THADA: variants seen among roughly 807,000 people sequenced by gnomAD.
THADA encodes tRNA (32-2'-O)-methyltransferase regulator THADA.
THADA carries 213 observed loss-of-function variants against 219.8 expected under a neutral mutation model. The observed-to-expected ratio is 0.97, with a 90% CI of 0.87 to 1.09. The LOEUF (loss-of-function observed/expected upper bound fraction) is 1.09, where lower values mean the gene tolerates loss of function less well. THADA is among the 50% of genes least tolerant of loss of function. THADA has a pLI of 0.00. For missense variants in THADA, 2,956 were observed against 2,311.3 expected (o/e 1.28, Z -5.72); for synonymous variants, 1,018 against 828.9 (o/e 1.23, Z -3.92).
At chr2:43,279,184 C>A (rs773139503) in intron 36 of THADA, among the ~76,000 whole-genome samples, 1 of 152,172 alleles carries the variant, frequency 6.6e-6, no homozygotes, top group Non-Finnish European at 1.5e-5. Flanking sequence ...GGGCTGTAAC[C>A]GCTTATACGA....
intron 28 of THADA, among the ~76,000 whole-genome samples, chr2:43,417,670 A>G (rs1677166176): frequency 6.6e-6 from 1 of 152,244 alleles, no homozygotes; most frequent in African/African-American, 2.4e-5. Flanking sequence ...CTACCCTGTC[A>G]TACTTCACAG....
chr2:43,445,416 T>TC (rs998367303), intron 26 of THADA, among the ~76,000 whole-genome samples: 2 of 152,182 alleles, frequency 1.3e-5, no homozygotes, highest in African/African-American at 4.8e-5. Flanking sequence ...CTAGCTTTTC[T>TC]CCCTAGAGTA....
At chr2:43,568,891 T>G (rs1279720394) in intron 14 of THADA, among the ~76,000 whole-genome samples, 2 of 152,070 alleles carry the variant, frequency 1.3e-5, no homozygotes, top group Non-Finnish European at 2.9e-5. Context: ...AAGAATTAAT[T>G]AATTAAAAAA....
At position 43,434,040 on chromosome 2, in the gene THADA, G is replaced by C. The variant is rs1158575771; in HGVS notation, c.3837-3738C>G. Among the ~76,000 whole-genome samples, 4 of 152,166 alleles carry C rather than the reference G, an allele frequency of 2.6e-5. No individual in the cohort carries two copies. In the East Asian group the frequency reaches 7.7e-4, roughly 29 times the overall value. On this transcript the variant is annotated intron_variant, in intron 26 of 37. Transcript: ENST00000405975. Reference sequence around the variant, plus strand: ...TAGACACATCAAGGGCCAAGAGTAAGAGTAGCAAAGATAATCTTAAAGAAG... The same window carrying C: ...TAGACACATCAAGGGCCAAGAGTAACAGTAGCAAAGATAATCTTAAAGAAG...
chr2:43,536,966 G>A (rs555710587), intron 21 of THADA, among the ~76,000 whole-genome samples: 1 of 152,144 alleles, frequency 6.6e-6, no homozygotes, highest in Non-Finnish European at 1.5e-5. Flanking sequence ...ATAAAGTAGT[G>A]AGCCTTAATC....
chr2:43,303,529 C>T, intron 31 of THADA, among the ~76,000 whole-genome samples: 1 of 151,658 alleles, frequency 6.6e-6, no homozygotes, highest in Non-Finnish European at 1.5e-5. Context: ...GGGCCATTCA[C>T]CTTTGCTCTT....
chr2:43,294,236 C>A (rs1311815845), intron 31 of THADA, among the ~76,000 whole-genome samples: 1 of 152,166 alleles, frequency 6.6e-6, no homozygotes, highest in Non-Finnish European at 1.5e-5. Context: ...AAACTTATTG[C>A]CTGCTTACTA....
At position 43,399,566 on chromosome 2, in the gene THADA, TA is replaced by T. The variant is rs149027137; in HGVS notation, c.4059-1428del. On this transcript the variant is annotated intron_variant, in intron 28 of 37. Transcript: ENST00000405975. Reference sequence around the variant, plus strand: ...AGAGGAAAAAGAAGTATGGGGTGTTTAAAAAAAATGTGTCTTTTTCCCCCAA... The same window carrying T: ...AGAGGAAAAAGAAGTATGGGGTGTTTAAAAAAATGTGTCTTTTTCCCCCAA... Among the ~76,000 whole-genome samples the T allele has an allele frequency of 3.8e-3, 585 of 152,076 alleles. 2 individuals are homozygous for T. The highest frequency in any genetic ancestry group is 0.013 in the African/African-American group (555 of 41,502).
At chr2:43,464,299 C>T (rs1683977462) in intron 26 of THADA, among the ~76,000 whole-genome samples, 1 of 151,714 alleles carries the variant, frequency 6.6e-6, no homozygotes, top group Non-Finnish European at 1.5e-5. Context: ...TACTCTTACT[C>T]ATCTATAAAA....
intron 30 of THADA, among the ~76,000 whole-genome samples, chr2:43,334,769 C>T (rs1313622011): frequency 2.0e-5 from 3 of 151,082 alleles, no homozygotes; most frequent in African/African-American, 7.3e-5. Context: ...AGCGAGACTC[C>T]GTCTCAAAAC....
chr2:43,295,050 G>C (rs113300554), intron 31 of THADA, among the ~76,000 whole-genome samples: 1 of 152,162 alleles, frequency 6.6e-6, no homozygotes. Context: ...CTTGAGCCCA[G>C]GAGTTTGAGA....
chr2:43,390,537 CCTCCT>C (rs1673240328), intron 29 of THADA, among the ~76,000 whole-genome samples: 1 of 152,124 alleles, frequency 6.6e-6, no homozygotes, highest in Non-Finnish European at 1.5e-5. Context: ...TGCCAACTGC[CCTCCT>C]CTCCTATCTA....
chr2:43,379,057 T>C (rs1671707589), intron 29 of THADA, among the ~76,000 whole-genome samples: 1 of 152,128 alleles, frequency 6.6e-6, no homozygotes, highest in East Asian at 1.9e-4. Context: ...TGGTTAAATA[T>C]GTTAGCAAGC....
chr2:43,274,260 C>T (rs943305048), intron 36 of THADA, among the ~76,000 whole-genome samples: 7 of 152,174 alleles, frequency 4.6e-5, no homozygotes, highest in Non-Finnish European at 8.8e-5. Flanking sequence ...CTACCAGACC[C>T]GGACAGTGTG....
chr2:43,529,223 G>A (rs1693566459), intron 21 of THADA, among the ~76,000 whole-genome samples: 1 of 151,860 alleles, frequency 6.6e-6, no homozygotes, highest in African/African-American at 2.4e-5. Flanking sequence ...CACAATCATA[G>A]CTCACTGTAA....
chr2:43,493,823 GCTGAGCCACCACCAT>G (rs1687947602), intron 25 of THADA, among the ~76,000 whole-genome samples: 1 of 151,954 alleles, frequency 6.6e-6, no homozygotes, highest in Admixed American at 6.6e-5. Flanking sequence ...CCCCATCTTT[GCTGAGCCACCACCAT>G]CTTTTGGTAG....
rs77176871 is a variant in THADA at position 43,272,474 on chromosome 2, T to C, written c.5296+7291A>G. Reference sequence around the variant, plus strand: ...CTGGCGGACAGGCACTTTCTAAGTATTTGTTGAATGAATGAACAAGTGAAT... The same window carrying C: ...CTGGCGGACAGGCACTTTCTAAGTACTTGTTGAATGAATGAACAAGTGAAT... On this transcript the variant is annotated intron_variant, in intron 36 of 37. Coordinates refer to ENST00000405975, the MANE Select transcript of THADA (RefSeq NM_022065.5). Among the ~76,000 whole-genome samples, 560 of 152,294 alleles carry C rather than the reference T, an allele frequency of 3.7e-3. 5 individuals carry two copies. Among genetic ancestry groups the C allele is most frequent in the African/African-American group, 0.013 (534 of 41,554 alleles).
chr2:43,307,214 C>G (rs919402046), intron 31 of THADA, among the ~76,000 whole-genome samples: 1 of 152,196 alleles, frequency 6.6e-6, no homozygotes, highest in African/African-American at 2.4e-5. Context: ...CAAGAGGCAA[C>G]TTCTAAGCCC....
intron 8 of THADA, among the ~76,000 whole-genome samples, 198 bp downstream of exon 8, chr2:43,581,543 C>CA (rs397938497): frequency 0.28 from 18,980 of 66,832 alleles, 2,015 homozygotes; most frequent in African/African-American, 0.43. Flanking sequence ...GATTCGGTCT[C>CA]AAAAAAAAAA....
Sources: gnomAD v4.1 joint callset for allele counts (sites outside exome capture counted in the v4.1 genomes callset) on GRCh38, gnomAD v4.1.1 for gene constraint, MANE v1.5 for transcripts, NCBI Gene and HGNC (gene_info 2026-07-23, HGNC 2026-07-21) for gene names.